The following SELENOI variants were observed in gnomAD, a reference collection of about 807,000 sequenced individuals.
SELENOI encodes ethanolaminephosphotransferase 1.
In SELENOI, 24 loss-of-function variants were observed where a neutral mutation model predicts 50.7. That is an observed-to-expected ratio of 0.47 (90% CI 0.34 to 0.67). The LOEUF is 0.67. Among genes scored for constraint, SELENOI ranks in the 30% least tolerant of loss-of-function variants. The pLI, the probability that SELENOI is intolerant of heterozygous loss-of-function variation, is 0.01. For synonymous variants in SELENOI, 155 were observed against 170.2 expected (o/e 0.91, Z 0.70); for missense variants, 352 against 461.4 (o/e 0.76, Z 2.17).
chr2:26,377,962 G>T (rs558274779), intron 6 of SELENOI, among the ~76,000 whole-genome samples: 1 of 151,912 alleles, frequency 6.6e-6, no homozygotes, highest in Non-Finnish European at 1.5e-5. Flanking sequence ...TTTTTGTTCT[G>T]ATAGGCATTT....
Position 26,388,502 on chromosome 2 carries a change from T to G in SELENOI, c.1096-503T>G, listed in dbSNP as rs140785959. On this transcript the variant is annotated intron_variant, in intron 9 of 9. Coordinates refer to ENST00000260585, the MANE Select transcript of SELENOI (RefSeq NM_033505.4). ...AAAACATTCACTTGAACTGCTGAAA[T>G]GTAAATAATAAGTATCAAGTAAATG... Among the ~76,000 whole-genome samples the G allele has an allele frequency of 2.4e-3, 368 of 152,248 alleles. 7 individuals are homozygous for G. Among genetic ancestry groups the G allele is most frequent in the Admixed American group, 0.022 (329 of 15,286 alleles).
At chr2:26,356,253 G>A (rs9941529) in intron 1 of SELENOI, among the ~76,000 whole-genome samples, 5,457 of 152,206 alleles carry the variant, frequency 0.036, 138 homozygotes, top group Middle Eastern at 0.068. Flanking sequence ...AAACTCCTGG[G>A]TTCAGGTGAT....
chr2:26,357,893 A>G (rs1677097205), intron 1 of SELENOI, among the ~76,000 whole-genome samples: 1 of 152,026 alleles, frequency 6.6e-6, no homozygotes, highest in Non-Finnish European at 1.5e-5. Flanking sequence ...ATTCGGAGAA[A>G]TTGAACCATG....
At position 26,346,302 on chromosome 2, in the gene SELENOI, G is replaced by T; in HGVS notation, c.57+13G>T. The T allele has an allele frequency of 6.2e-7, 1 of 1,605,756 alleles. No homozygotes were observed. ...TGATAAGTACAAGGTACCGCGGGCC[G>T]GCGGATGCCCCTCTCCCTGCTCCCG... is the stretch of plus-strand genomic sequence containing the variant. On this transcript the variant is annotated intron_variant, in intron 1 of 9. Coordinates refer to ENST00000260585, the MANE Select transcript of SELENOI (RefSeq NM_033505.4).
chr2:26,374,279 T>C (rs1677520338), intron 5 of SELENOI, among the ~76,000 whole-genome samples: 2 of 152,174 alleles, frequency 1.3e-5, no homozygotes, highest in African/African-American at 2.4e-5. Context: ...TTGCCACCTT[T>C]TCAGTGTGTA....
chr2:26,383,343 T>C lies in SELENOI; in HGVS notation c.727T>C (p.Phe243Leu). The change falls in exon 7 of 10, where the codon TTC becomes CTC. Residue 243 changes from phenylalanine to leucine, a missense_variant. Phe to Leu is a conservative substitution (Grantham distance 22, BLOSUM62 0). Coordinates refer to ENST00000260585, the MANE Select transcript of SELENOI (RefSeq NM_033505.4). ...TCTTCCAATGAGTTTATTAAACTTT[T>C]TCAGGTAAGTATTTTATTTTTTAAA... ...VTLPMSLLNF[F>L]RSYKNNTLKL... 6.5e-7 allele frequency: 1 copy of C among 1,535,242 alleles called. No homozygotes were observed.
chr2:26,364,116 T>C lies in SELENOI; in HGVS notation c.58-186T>C, dbSNP rs7583680. 0.035 allele frequency among the ~76,000 whole-genome samples: 5,148 copies of C among 146,610 alleles called. 211 individuals are homozygous for C. Among genetic ancestry groups the C allele is most frequent in the African/African-American group, 0.1 (3,991 of 39,440 alleles). ...TTTTTTTTTGGAGATGGGATCTCAC[T>C]ATGTTGCCCAGGCTGGTCTCAAATT... On this transcript the variant is annotated intron_variant, in intron 1 of 9. Transcript: ENST00000260585.
intron 1 of SELENOI, among the ~76,000 whole-genome samples, chr2:26,350,421 C>G (rs138872778): frequency 2.0e-5 from 3 of 151,868 alleles, no homozygotes; most frequent in Non-Finnish European, 2.9e-5. Context: ...TGCAGTGGTG[C>G]GATCATAGCT....
intron 6 of SELENOI, among the ~76,000 whole-genome samples, chr2:26,377,072 G>C (rs541159750): frequency 6.6e-6 from 1 of 152,256 alleles, no homozygotes; most frequent in Non-Finnish European, 1.5e-5. Flanking sequence ...AATGTGTGAA[G>C]TTTTCAGTCA....
chr2:26,348,274 G>C (rs1208596874), intron 1 of SELENOI, among the ~76,000 whole-genome samples: 1 of 152,210 alleles, frequency 6.6e-6, no homozygotes, highest in African/African-American at 2.4e-5. Context: ...AATGGGTAAA[G>C]ATTGAAAACA....
chr2:26,371,345 C>T (rs1486982761), intron 4 of SELENOI, among the ~76,000 whole-genome samples: 6 of 150,642 alleles, frequency 4.0e-5, no homozygotes, highest in Non-Finnish European at 5.9e-5. Flanking sequence ...GACGGGGCGG[C>T]GGGGCAGAGG....
At chr2:26,388,896 G>T (rs1491003810) in intron 9 of SELENOI, 109 bp from the exon 10 acceptor site, 4 of 820,590 alleles carry the variant, frequency 4.9e-6, no homozygotes, top group South Asian at 1.6e-5. Flanking sequence ...TATTTCTCAT[G>T]ATTTTTGCCG....
chr2:26,385,266 G>C, intron 8 of SELENOI, 127 bp downstream of exon 8: 1 of 594,074 alleles, frequency 1.7e-6, no homozygotes, highest in African/African-American at 1.9e-5. Context: ...TCAGAAATTT[G>C]AAAGAATAGT....
intron 1 of SELENOI, among the ~76,000 whole-genome samples, chr2:26,364,078 C>CTTTTTT (rs59396679): frequency 8.7e-6 from 1 of 114,930 alleles, no homozygotes; most frequent in African/African-American, 3.5e-5. Flanking sequence ...CTTTCTCCCC[C>CTTTTTT]TTTTTTTTTT....
intron 9 of SELENOI, 133 bp downstream of exon 9, chr2:26,386,669 G>A: frequency 1.5e-6 from 1 of 685,614 alleles, no homozygotes; most frequent in South Asian, 3.4e-5. Flanking sequence ...AAGGGTTTTG[G>A]GATATTCTCT....
rs1677913639 is a variant in SELENOI at position 26,389,345 on chromosome 2, A to G, written c.*242A>G. On this transcript the variant is annotated 3_prime_UTR_variant, in exon 10 of 10. Transcript: ENST00000260585. ...AGCAGAATGTACGTTAGACCAGCAA[A>G]ATGTTCCTAATGGTTCTAACTTCGT... The G allele has an allele frequency of 2.6e-6, 1 of 382,480 alleles. No homozygotes were observed. Among genetic ancestry groups the G allele is most frequent in the Non-Finnish European group, 4.8e-6 (1 of 209,548 alleles). 23.7% of individuals were successfully genotyped at this position (382,480 alleles called of 1,614,324 possible).
At chr2:26,370,956 G>C (rs1677420121) in intron 4 of SELENOI, among the ~76,000 whole-genome samples, 1 of 137,400 alleles carries the variant, frequency 7.3e-6, no homozygotes, top group Admixed American at 6.9e-5. Flanking sequence ...CTCCCGGATG[G>C]GGCGGCTGGC....
intron 1 of SELENOI, among the ~76,000 whole-genome samples, chr2:26,356,528 A>G (rs1677068015): frequency 6.6e-6 from 1 of 152,174 alleles, no homozygotes. Context: ...TTCCTTCTTA[A>G]ATTAAGGGGG....
At chr2:26,351,109 A>T (rs1574747582) in intron 1 of SELENOI, among the ~76,000 whole-genome samples, 1 of 126,702 alleles carries the variant, frequency 7.9e-6, no homozygotes, top group East Asian at 2.1e-4. Flanking sequence ...CCCAGGCTGG[A>T]GTGCAGAGGT....
Sources: gnomAD v4.1 joint callset for allele counts (sites outside exome capture counted in the v4.1 genomes callset) on GRCh38, gnomAD v4.1.1 for gene constraint, MANE v1.5 for transcripts, NCBI Gene and HGNC (gene_info 2026-07-23, HGNC 2026-07-21) for gene names.